The following IFNAR1 variants were observed in gnomAD, a reference collection of about 807,000 sequenced individuals.
The protein encoded by IFNAR1 is interferon alpha/beta receptor 1.
A neutral mutation model predicts 62.1 loss-of-function variants in IFNAR1; 47 were observed. The ratio of observed to expected loss-of-function variants is 0.76; its 90% CI spans 0.60 to 0.97. The LOEUF (loss-of-function observed/expected upper bound fraction) is 0.97. IFNAR1 is among the 50% of genes least tolerant of loss of function. The pLI, the probability that IFNAR1 is intolerant of heterozygous loss-of-function variation, is 0.00. For synonymous variants in IFNAR1, 219 were observed against 226.9 expected (o/e 0.97, Z 0.31); for missense variants, 638 against 654.5 (o/e 0.97, Z 0.27).
In IFNAR1 at chr21:33,349,415, A is replaced by G. The variant is rs2083379729; in HGVS notation, c.1015A>G (p.Ile339Val). 2.5e-6 allele frequency: 4 copies of G among 1,606,682 alleles called. No homozygotes were observed. The East Asian group carries it at 6.7e-5, about 27-fold the overall frequency. Residue 339 changes from isoleucine to valine, a missense_variant, in exon 8 of 11, where the codon ATT (isoleucine) becomes GTT (valine). Coordinates refer to ENST00000270139, the MANE Select transcript of IFNAR1 (RefSeq NM_000629.3). ...QAFLLPPVFN[I>V]RSLSDSFHIY... ...TTTCCTACTTCCTCCAGTCTTTAACATTAGATCCCTTAGTGATTCATTCCA... is the reference window on the plus strand; with the variant it reads ...TTTCCTACTTCCTCCAGTCTTTAACGTTAGATCCCTTAGTGATTCATTCCA...
chr21:33,335,625 A>C lies in IFNAR1; in HGVS notation c.178A>C (p.Thr60Pro). ...GAGCGATGAGTCTGTCGGGAATGTG[A>C]CTTTTTCATTCGATTATCAAAAGTA... ...NRSDESVGNV[T>P]FSFDYQKTGM... is the part of the protein sequence containing the mutation. Residue 60 changes from threonine to proline, a missense_variant, in exon 2 of 11, where the codon ACT (threonine) becomes CCT (proline). Physicochemically the swap from Thr to Pro is conservative, Grantham distance 38. Coordinates refer to ENST00000270139, the MANE Select transcript of IFNAR1 (RefSeq NM_000629.3). The C allele has an allele frequency of 1.3e-6, 2 of 1,584,698 alleles. No homozygotes were observed. The highest frequency in any genetic ancestry group is 1.7e-6 in the Non-Finnish European group (2 of 1,165,406).
At chr21:33,338,593 C>T (rs540125416) in intron 2 of IFNAR1, among the ~76,000 whole-genome samples, 2 of 150,762 alleles carry the variant, frequency 1.3e-5, no homozygotes, top group Admixed American at 1.3e-4. Flanking sequence ...CTTCTGACTG[C>T]TTAGACTGCC....
At chr21:33,354,327 G>A (rs2083428419) in intron 10 of IFNAR1, among the ~76,000 whole-genome samples, 1 of 152,216 alleles carries the variant, frequency 6.6e-6, no homozygotes, top group African/African-American at 2.4e-5. Flanking sequence ...GGGTGACAGA[G>A]CAAGACTCTG....
At chr21:33,346,392 G>A (rs1479126106) in intron 6 of IFNAR1, among the ~76,000 whole-genome samples, 1 of 152,184 alleles carries the variant, frequency 6.6e-6, no homozygotes, top group Non-Finnish European at 1.5e-5. Flanking sequence ...CTATCTTTTA[G>A]TGTTAATTTT....
intron 1 of IFNAR1, among the ~76,000 whole-genome samples, chr21:33,331,646 T>C (rs370614531): frequency 6.6e-6 from 1 of 152,140 alleles, no homozygotes; most frequent in Non-Finnish European, 1.5e-5. Flanking sequence ...TTGTAGTACT[T>C]GCTGCTGCTG....
At position 33,355,351 on chromosome 21, in the gene IFNAR1, T is replaced by C; in HGVS notation, c.1476T>C (p.Leu492=). 6.3e-7 allele frequency: 1 copy of C among 1,595,572 alleles called. No homozygotes were observed. Among genetic ancestry groups the C allele is most frequent in the Non-Finnish European group, 8.5e-7 (1 of 1,170,970 alleles). Residue 492 remains leucine, a synonymous_variant, in exon 11 of 11, where the codon CTT becomes CTC. Coordinates refer to ENST00000270139, the MANE Select transcript of IFNAR1 (RefSeq NM_000629.3). ...FSEQPLKNLL[L]STSEEQIEKC... Reference sequence around the variant, plus strand: ...AACAGCCATTGAAGAATCTTCTGCTTTCAACTTCTGAGGAACAAATCGAAA... The same window carrying C: ...AACAGCCATTGAAGAATCTTCTGCTCTCAACTTCTGAGGAACAAATCGAAA...
intron 1 of IFNAR1, among the ~76,000 whole-genome samples, chr21:33,326,420 G>C (rs1021738277): frequency 6.6e-6 from 1 of 152,056 alleles, no homozygotes; most frequent in East Asian, 1.9e-4. Flanking sequence ...GGCCAGGCTG[G>C]TCTCGAACTC....
chr21:33,350,066 T>C (rs2083385537), intron 8 of IFNAR1, among the ~76,000 whole-genome samples: 2 of 152,076 alleles, frequency 1.3e-5, no homozygotes, highest in African/African-American at 4.8e-5. Flanking sequence ...CTATTGTTAC[T>C]GAATCATTAT....
Position 33,340,922 on chromosome 21 carries a change from T to C in IFNAR1, c.201-77T>C, listed in dbSNP as rs1408827438. 6 of 893,214 alleles carry C rather than the reference T, an allele frequency of 6.7e-6. No individual in the cohort carries two copies. The African/African-American group carries it at 6.7e-5, about 10-fold the overall frequency. 55.3% of individuals were successfully genotyped at this position (893,214 alleles called of 1,614,324 possible). ...ATTAAGAGTTAAGAAATAACTCTTA[T>C]ACCAGTAAATAGAAAGTATTTGACA... On this transcript the variant is annotated intron_variant, in intron 2 of 10. Transcript: ENST00000270139.
chr21:33,325,194 G>T, intron 1 of IFNAR1, 63 bp downstream of exon 1: 1 of 1,420,306 alleles, frequency 7.0e-7, no homozygotes, highest in East Asian at 2.3e-5. Context: ...CTGGGCTACG[G>T]GGGCGGCGAT....
intron 2 of IFNAR1, among the ~76,000 whole-genome samples, chr21:33,337,686 C>CTGTATACATACATATACACACAGTG: frequency 1.7e-5 from 1 of 58,564 alleles, no homozygotes; most frequent in South Asian, 6.1e-4. Flanking sequence ...ATAATACATA[C>CTGTATACATACATATACACACAGTG]TGTATACATA....
chr21:33,354,458 A>G (rs1488012812), intron 10 of IFNAR1, among the ~76,000 whole-genome samples: 1 of 152,268 alleles, frequency 6.6e-6, no homozygotes, highest in African/African-American at 2.4e-5. Flanking sequence ...AGTTAGGAGC[A>G]TCTGTATATA....
intron 5 of IFNAR1, among the ~76,000 whole-genome samples, chr21:33,344,609 G>A (rs1440697133): frequency 1.3e-5 from 2 of 151,728 alleles, no homozygotes; most frequent in Non-Finnish European, 2.9e-5. Context: ...AGTTTCTTGG[G>A]TTTTGTTTTT....
chr21:33,333,325 A>G (rs2083198782), intron 1 of IFNAR1, among the ~76,000 whole-genome samples: 1 of 152,238 alleles, frequency 6.6e-6, no homozygotes, highest in Non-Finnish European at 1.5e-5. Flanking sequence ...GCCTTATGAG[A>G]AATGCTCCAG....
At chr21:33,334,442 A>C (rs1267061180) in intron 1 of IFNAR1, 1 of 296,962 alleles carries the variant, frequency 3.4e-6, no homozygotes, top group East Asian at 8.8e-5. Flanking sequence ...GCTAAAAAAA[A>C]CAAAACCAAA....
rs750888708 is a variant in IFNAR1, at chr21:33,325,017, C to T, written c.-39C>T. ...TGGCGGCTGAGAGGAGCTGCGCGTG[C>T]GCGAACATGTAACTGGTGGGATCTG... On this transcript the variant is annotated 5_prime_UTR_variant, in exon 1 of 11. Coordinates refer to ENST00000270139, the MANE Select transcript of IFNAR1 (RefSeq NM_000629.3). 11 of 1,552,452 alleles carry T rather than the reference C, an allele frequency of 7.1e-6. No individual in the cohort carries two copies. Among genetic ancestry groups the T allele is most frequent in the Non-Finnish European group, 8.7e-6 (10 of 1,144,284 alleles).
chr21:33,334,932 G>A (rs78786709), intron 1 of IFNAR1: 27,156 of 1,570,996 alleles, frequency 0.017, 352 homozygotes, highest in Non-Finnish European at 0.02. Context: ...ATGGGGCAGG[G>A]GGTACCACAT....
At chr21:33,344,197 A>G (rs2083322421) in intron 5 of IFNAR1, among the ~76,000 whole-genome samples, 1 of 152,208 alleles carries the variant, frequency 6.6e-6, no homozygotes, top group South Asian at 2.1e-4. Context: ...GTAATGACAA[A>G]ACTTTTCATT....
intron 8 of IFNAR1, among the ~76,000 whole-genome samples, chr21:33,351,566 T>TTTTG (rs1568932967): frequency 4.3e-4 from 65 of 150,644 alleles, no homozygotes; most frequent in African/African-American, 1.5e-3. Flanking sequence ...TTTTTTTTTT[T>TTTTG]GAGACAGGTT....
Sources: allele counts gnomAD v4.1 joint callset (sites outside exome capture counted in the v4.1 genomes callset), GRCh38; gene constraint gnomAD v4.1.1; transcripts MANE v1.5; gene names NCBI Gene and HGNC (gene_info 2026-07-23, HGNC 2026-07-21).